MACROH2A1: variants seen among roughly 807,000 people sequenced by gnomAD.
MACROH2A1 encodes the protein macroH2A.1 histone, also known as core histone macro-H2A.1.
A neutral mutation model predicts 31.6 loss-of-function variants in MACROH2A1; 2 were observed. That is an observed-to-expected ratio of 0.06 (90% confidence interval 0.03 to 0.20). MACROH2A1 has a LOEUF of 0.20. MACROH2A1 is among the 10% of genes least tolerant of loss of function. The probability of loss-of-function intolerance (pLI) is 1.00; values close to 1 mark genes in which losing one functional copy is unlikely to be tolerated. For missense variants in MACROH2A1, 230 were observed against 474.0 expected (o/e 0.49, Z 4.78); for synonymous variants, 169 against 189.6 (o/e 0.89, Z 0.89).
intron 7 of MACROH2A1, 144 bp from the exon 8 acceptor site, chr5:135,343,578 GC>G: frequency 6.2e-6 from 8 of 1,288,298 alleles, no homozygotes; most frequent in Non-Finnish European, 8.4e-6. Context: ...ACAGCTGTCT[GC>G]TGCGTTGTGA....
At chr5:135,365,411 T>C (rs546958282) in intron 4 of MACROH2A1, among the ~76,000 whole-genome samples, 30 of 152,264 alleles carry the variant, frequency 2.0e-4, no homozygotes, top group Admixed American at 2.0e-3. Flanking sequence ...TCCAGTATCA[T>C]GAGAGTAACC....
chr5:135,347,910 A>C (rs1761050849), intron 6 of MACROH2A1, among the ~76,000 whole-genome samples: 1 of 152,196 alleles, frequency 6.6e-6, no homozygotes, highest in African/African-American at 2.4e-5. Context: ...GAGAACTGAG[A>C]AATTTGAAAG....
intron 2 of MACROH2A1, among the ~76,000 whole-genome samples, chr5:135,371,645 C>G (rs923154230): frequency 6.6e-6 from 1 of 152,222 alleles, no homozygotes; most frequent in Non-Finnish European, 1.5e-5. Flanking sequence ...AACCTCATCA[C>G]TGTCTCCTTG....
intron 1 of MACROH2A1, among the ~76,000 whole-genome samples, chr5:135,397,364 G>A (rs567117547): frequency 4.1e-4 from 63 of 152,262 alleles, no homozygotes; most frequent in African/African-American, 1.5e-3. Context: ...TGGCATGGTT[G>A]TATACTAGAA....
At chr5:135,395,471 C>G (rs1767842301) in intron 1 of MACROH2A1, among the ~76,000 whole-genome samples, 1 of 152,164 alleles carries the variant, frequency 6.6e-6, no homozygotes, top group Non-Finnish European at 1.5e-5. Context: ...ACCACGCCAT[C>G]CATTCTGGCA....
At chr5:135,362,862 T>C (rs944412549) in intron 4 of MACROH2A1, 8 of 152,172 alleles carry the variant, frequency 5.3e-5, no homozygotes, top group Non-Finnish European at 1.2e-4. Context: ...AGAATAGAAA[T>C]GTGTTACATT....
chr5:135,336,354 C>T (rs183395367), intron 8 of MACROH2A1, among the ~76,000 whole-genome samples: 6 of 152,358 alleles, frequency 3.9e-5, no homozygotes, highest in African/African-American at 7.2e-5. Flanking sequence ...TGACCACACA[C>T]GGCTTCACCC....
At chr5:135,359,586 TAGG>T (rs1473794372) in intron 5 of MACROH2A1, 2 of 983,606 alleles carry the variant, frequency 2.0e-6, no homozygotes, top group East Asian at 1.1e-4. Flanking sequence ...GGGAAAGGGG[TAGG>T]AGGAGAACTT....
intron 4 of MACROH2A1, among the ~76,000 whole-genome samples, chr5:135,364,120 C>T (rs1200497593): frequency 1.3e-5 from 2 of 152,156 alleles, no homozygotes; most frequent in African/African-American, 4.8e-5. Flanking sequence ...AACCATCATT[C>T]TCAGCAAACT....
At chr5:135,368,870 C>G (rs1256228304) in intron 4 of MACROH2A1, among the ~76,000 whole-genome samples, 1 of 152,178 alleles carries the variant, frequency 6.6e-6, no homozygotes, top group Admixed American at 6.5e-5. Flanking sequence ...TAGGACCCAG[C>G]CAATCCAAGT....
chr5:135,343,518 C>A (rs1760285573), intron 7 of MACROH2A1, 84 bp from the exon 8 acceptor site: 6 of 1,571,270 alleles, frequency 3.8e-6, no homozygotes, highest in African/African-American at 1.3e-5. Context: ...CACTCCCCTG[C>A]CACGGTATAT....
At chr5:135,352,224 C>T (rs889695667) in intron 6 of MACROH2A1, among the ~76,000 whole-genome samples, 1 of 152,230 alleles carries the variant, frequency 6.6e-6, no homozygotes, top group African/African-American at 2.4e-5. Context: ...CCCTGTCGTG[C>T]CATTGAGCTG....
chr5:135,342,729 C>A (rs1340941315), intron 8 of MACROH2A1, among the ~76,000 whole-genome samples: 4 of 152,206 alleles, frequency 2.6e-5, no homozygotes, highest in Non-Finnish European at 5.9e-5. Context: ...ATTAGCAGGC[C>A]AGCAGGGTTA....
At position 135,353,064 on chromosome 5, in the gene MACROH2A1, G is replaced by A. The variant is rs760349606; in HGVS notation, c.589-19C>T. On this transcript the variant is annotated intron_variant, in intron 5 of 8. Coordinates refer to ENST00000511689, the MANE Select transcript of MACROH2A1 (RefSeq NM_138610.3). Reference sequence around the variant, plus strand: ...GGTTCAGCTGCAAAGAAAAGCATGAGGTGGGAAATAACAGGAGAGCTGGGA... The same window carrying A: ...GGTTCAGCTGCAAAGAAAAGCATGAAGTGGGAAATAACAGGAGAGCTGGGA... 6.7e-7 allele frequency: 1 copy of A among 1,491,404 alleles called. No homozygotes were observed. Among genetic ancestry groups the A allele is most frequent in the Non-Finnish European group, 9.4e-7 (1 of 1,067,846 alleles). The allele number at this position is 1,491,404 out of a possible 1,614,324, so 92.4% of individuals were successfully genotyped here.
intron 2 of MACROH2A1, among the ~76,000 whole-genome samples, chr5:135,384,924 G>A (rs1190265452): frequency 4.6e-5 from 7 of 152,182 alleles, no homozygotes; most frequent in Admixed American, 4.6e-4. Context: ...CCCAGCTCTA[G>A]AACACAGTGG....
At chr5:135,378,357 C>T (rs973748454) in intron 2 of MACROH2A1, among the ~76,000 whole-genome samples, 1 of 152,226 alleles carries the variant, frequency 6.6e-6, no homozygotes, top group Non-Finnish European at 1.5e-5. Flanking sequence ...TCACACCCAC[C>T]TCCTGCCTGT....
intron 2 of MACROH2A1, among the ~76,000 whole-genome samples, chr5:135,383,172 T>G (rs960444701): frequency 6.6e-6 from 1 of 152,238 alleles, no homozygotes. Context: ...GCTCAGTGAA[T>G]GTTTATCCAC....
intron 2 of MACROH2A1, among the ~76,000 whole-genome samples, chr5:135,377,460 T>C (rs531660431): frequency 6.6e-6 from 1 of 152,326 alleles, no homozygotes; most frequent in East Asian, 1.9e-4. Flanking sequence ...AGGAAACTCA[T>C]TTAAGGAGCC....
chr5:135,357,874 C>T, intron 5 of MACROH2A1: 1 of 985,144 alleles, frequency 1.0e-6, no homozygotes, highest in African/African-American at 1.7e-5. Context: ...AAGCCTGGGC[C>T]ATGCTTCCTG....
Sources: gnomAD v4.1 joint callset for allele counts (sites outside exome capture counted in the v4.1 genomes callset) on GRCh38, gnomAD v4.1.1 for gene constraint, MANE v1.5 for transcripts, NCBI Gene and HGNC (gene_info 2026-07-23, HGNC 2026-07-21) for gene names.